The following ITGA1 variants were observed in gnomAD, a reference collection of about 807,000 sequenced individuals.
ITGA1 encodes the protein integrin subunit alpha 1, also known as integrin alpha-1.
Under a neutral mutation model 145.9 loss-of-function variants are expected in ITGA1, and 85 were observed. That is an observed-to-expected ratio of 0.58 (90% CI 0.49 to 0.70). ITGA1 has a LOEUF of 0.70. Among genes scored for constraint, ITGA1 ranks in the 30% least tolerant of loss-of-function variants. The pLI, the probability that ITGA1 is intolerant of heterozygous loss-of-function variation, is 0.00. For synonymous variants in ITGA1, 520 were observed against 495.3 expected, an observed-to-expected ratio of 1.05 and a Z score of -0.66; for missense variants, 1,351 against 1,418.7, an observed-to-expected ratio of 0.95 and a Z score of 0.77.
At chr5:52,819,096 G>A (rs993962456) in intron 1 of ITGA1, among the ~76,000 whole-genome samples, 4 of 152,198 alleles carry the variant, frequency 2.6e-5, no homozygotes, top group African/African-American at 4.8e-5. Flanking sequence ...GAATAGTGCC[G>A]CAATAAACAC....
chr5:52,806,125 A>G (rs931105728), intron 1 of ITGA1, among the ~76,000 whole-genome samples: 4 of 152,068 alleles, frequency 2.6e-5, no homozygotes, highest in African/African-American at 9.7e-5. Context: ...ATATACTCTA[A>G]GAGATTCAGT....
At chr5:52,912,531 AC>A (rs1750576275) in intron 14 of ITGA1, among the ~76,000 whole-genome samples, 1 of 124,348 alleles carries the variant, frequency 8.0e-6, no homozygotes, top group African/African-American at 3.1e-5. Context: ...TAGTGTATCC[AC>A]TATAGGTATT....
intron 11 of ITGA1, chr5:52,903,765 AAAATCTGCATGT>A (rs1186544374): frequency 6.6e-6 from 1 of 152,232 alleles, no homozygotes; most frequent in Non-Finnish European, 1.5e-5. Context: ...TTATAAAATC[AAAATCTGCATGT>A]GGCAATTTTT....
intron 19 of ITGA1, among the ~76,000 whole-genome samples, chr5:52,926,752 A>G (rs1049157055): frequency 5.9e-5 from 9 of 152,230 alleles, no homozygotes; most frequent in African/African-American, 2.2e-4. Flanking sequence ...AGGCATAGCT[A>G]AAAAATCTGA....
chr5:52,800,552 C>T, intron 1 of ITGA1: 3 of 1,613,760 alleles, frequency 1.9e-6, no homozygotes, highest in Non-Finnish European at 2.5e-6. Flanking sequence ...GAGTCCTCCA[C>T]GGGCAGCGTG....
At position 52,849,385 on chromosome 5, in the gene ITGA1, T is replaced by A. The variant is rs1047752658; in HGVS notation, c.82T>A (p.Ser28Thr). 1 of 1,610,998 alleles carries A rather than the reference T, an allele frequency of 6.2e-7. No homozygotes were observed. Among genetic ancestry groups the A allele is most frequent in the Non-Finnish European group, 8.5e-7 (1 of 1,178,356 alleles). The change falls in exon 2 of 29, where the codon TCA becomes ACA. Residue 28 changes from serine (S) to threonine (T), a missense_variant. Ser to Thr is a moderately conservative substitution (Grantham distance 58). Transcript: ENST00000282588. Reference sequence around the variant, plus strand: ...TAAAGTTGTTCTACGCTGCTGCGTATCATTCAATGTTGATGTGAAAAATTC... The same window carrying A: ...TAAAGTTGTTCTACGCTGCTGCGTAACATTCAATGTTGATGTGAAAAATTC... ...LLTVVLRCCV[S>T]FNVDVKNSMT...
At chr5:52,887,202 C>T (rs574151610) in intron 7 of ITGA1, among the ~76,000 whole-genome samples, 1 of 152,146 alleles carries the variant, frequency 6.6e-6, no homozygotes, top group African/African-American at 2.4e-5. Flanking sequence ...CAACTGACTA[C>T]TCCATGGACT....
At chr5:52,875,104 T>A (rs1006388678) in intron 6 of ITGA1, among the ~76,000 whole-genome samples, 2 of 152,198 alleles carry the variant, frequency 1.3e-5, no homozygotes, top group Admixed American at 6.5e-5. Context: ...CCTTACTCTT[T>A]TGCACCATTT....
In ITGA1 at chr5:52,898,277, G is replaced by C. The variant is rs2111830614; in HGVS notation, c.1203G>C (p.Trp401Cys). 6.2e-7 allele frequency: 1 copy of C among 1,609,932 alleles called. No homozygotes were observed. The highest frequency in any genetic ancestry group is 8.5e-7 in the Non-Finnish European group (1 of 1,177,800). Residue 401 changes from tryptophan (W) to cysteine (C), a missense_variant, in exon 11 of 29, where the codon TGG becomes TGC. Trp to Cys is a radical substitution (Grantham distance 215). Transcript: ENST00000282588. ...TTGGAGCAGTAGGAGCCTATGATTGGAATGGAACAGTTGTCATGCAGAAGG... is the reference window on the plus strand; with the variant it reads ...TTGGAGCAGTAGGAGCCTATGATTGCAATGGAACAGTTGTCATGCAGAAGG... ...VMLGAVGAYD[W>C]NGTVVMQKAS...
At chr5:52,934,863 A>T (rs1305363165) in intron 23 of ITGA1, among the ~76,000 whole-genome samples, 3 of 151,910 alleles carry the variant, frequency 2.0e-5, no homozygotes, top group Non-Finnish European at 4.4e-5. Context: ...TTCATTTTTT[A>T]AAATTTGTAC....
At chr5:52,922,910 A>T in intron 18 of ITGA1, 23 bp downstream of exon 18, 1 of 1,328,722 alleles carries the variant, frequency 7.5e-7, no homozygotes, top group Non-Finnish European at 1.1e-6. Context: ...TCTTTAAAAT[A>T]CAAAATACCA....
chr5:52,865,620 C>A, intron 5 of ITGA1, 70 bp from the exon 6 acceptor site: 2 of 1,238,060 alleles, frequency 1.6e-6, no homozygotes, highest in South Asian at 2.4e-5. Flanking sequence ...TTCTTTCAGC[C>A]ATGAAAGCAC....
At chr5:52,804,427 G>T (rs1748552396) in intron 1 of ITGA1, among the ~76,000 whole-genome samples, 1 of 152,080 alleles carries the variant, frequency 6.6e-6, no homozygotes, top group Non-Finnish European at 1.5e-5. Flanking sequence ...TAAATTCCTT[G>T]TTAATTTTAT....
At chr5:52,907,513 C>T (rs572658583) in intron 12 of ITGA1, among the ~76,000 whole-genome samples, 2 of 152,126 alleles carry the variant, frequency 1.3e-5, no homozygotes, top group Admixed American at 1.3e-4. Flanking sequence ...TGATTTAAAT[C>T]GTGAATGATT....
intron 15 of ITGA1, 84 bp from the exon 16 acceptor site, chr5:52,918,648 C>A: frequency 1.5e-6 from 2 of 1,345,286 alleles, no homozygotes; most frequent in East Asian, 2.4e-5. Flanking sequence ...GAACCCTCTT[C>A]CATGCACTCA....
intron 1 of ITGA1, among the ~76,000 whole-genome samples, chr5:52,805,150 G>A (rs1748565765): frequency 6.6e-6 from 1 of 152,122 alleles, no homozygotes. Flanking sequence ...TTACCTAAAA[G>A]GGGAAGAAGA....
intron 1 of ITGA1, among the ~76,000 whole-genome samples, chr5:52,830,233 G>A (rs1465356706): frequency 6.6e-6 from 1 of 152,116 alleles, no homozygotes; most frequent in Non-Finnish European, 1.5e-5. Flanking sequence ...TTAGATTGTA[G>A]TGCTATTTTG....
chr5:52,845,795 C>A (rs79962010), intron 1 of ITGA1, among the ~76,000 whole-genome samples: 1,631 of 152,178 alleles, frequency 0.011, 26 homozygotes, highest in African/African-American at 0.038. Context: ...AGTTGAGAAA[C>A]CCTGCTGCAG....
chr5:52,910,970 C>CAG (rs1750504717), intron 14 of ITGA1, among the ~76,000 whole-genome samples: 1 of 114,702 alleles, frequency 8.7e-6, no homozygotes, highest in Admixed American at 9.7e-5. Flanking sequence ...ACTATATATA[C>CAG]TATATATAGT....
Sources: allele counts gnomAD v4.1 joint callset (sites outside exome capture counted in the v4.1 genomes callset), GRCh38; gene constraint gnomAD v4.1.1; transcripts MANE v1.5; gene names NCBI Gene and HGNC (gene_info 2026-07-23, HGNC 2026-07-21).